ARSG: variants seen among roughly 807,000 people sequenced by gnomAD.
The protein encoded by ARSG is arylsulfatase G.
Under a neutral mutation model 50.5 loss-of-function variants are expected in ARSG, and 37 were observed. The observed-to-expected ratio is 0.73, with a 90% CI of 0.56 to 0.96. The LOEUF (loss-of-function observed/expected upper bound fraction) is 0.96, where lower values mean the gene tolerates loss of function less well. ARSG is among the 50% of genes least tolerant of loss of function. The pLI is 0.00. For missense variants in ARSG, 629 were observed against 675.3 expected, an observed-to-expected ratio of 0.93 and a Z score of 0.76; for synonymous variants, 225 against 254.6, an observed-to-expected ratio of 0.88 and a Z score of 1.11.
chr17:68,402,485 C>T (rs925419829), intron 11 of ARSG, among the ~76,000 whole-genome samples: 5 of 151,584 alleles, frequency 3.3e-5, no homozygotes, highest in African/African-American at 7.3e-5. Flanking sequence ...CCTCGTGATC[C>T]GCCCGCCTTT....
At chr17:68,341,494 C>T (rs918131267) in intron 2 of ARSG, among the ~76,000 whole-genome samples, 1 of 152,198 alleles carries the variant, frequency 6.6e-6, no homozygotes, top group African/African-American at 2.4e-5. Flanking sequence ...TCATAACAGT[C>T]CCATCTTTTA....
upstream of ARSG, among the ~76,000 whole-genome samples, chr17:68,287,390 A>G (rs562133447): frequency 4.7e-5 from 7 of 150,270 alleles, no homozygotes; most frequent in South Asian, 1.3e-3. Context: ...GAACTCCCGG[A>G]CTCAAGCGAT....
intron 2 of ARSG, among the ~76,000 whole-genome samples, chr17:68,340,584 C>T (rs2078225261): frequency 6.6e-6 from 1 of 152,138 alleles, no homozygotes; most frequent in Admixed American, 6.6e-5. Flanking sequence ...CCACGCCAGG[C>T]CTAATTGTTT....
chr17:68,370,655 A>G (rs2079793933), intron 8 of ARSG, 131 bp downstream of exon 8: 1 of 775,380 alleles, frequency 1.3e-6, no homozygotes, highest in Non-Finnish European at 2.1e-6. Flanking sequence ...ACAGGGACAC[A>G]TTTGCTCACC....
At position 68,271,145 on chromosome 17, in the gene ARSG, C is replaced by T. The variant is rs377394392; in HGVS notation, c.-552+11719C>T. ...GCTCCGATCCTTCCGAAAACTTCTG[C>T]AATGGCCATCGTAGATAATAAAAAA... On this transcript the variant is annotated intron_variant, in intron 1 of 11. Coordinates refer to the ARSG transcript ENST00000448504. The surrounding 1 kb of genome is among the most constrained non-coding windows in gnomAD (Gnocchi z 5.3). 70 of 1,614,048 alleles carry T rather than the reference C, an allele frequency of 4.3e-5. No individual in the cohort carries two copies. Among genetic ancestry groups the T allele is most frequent in the Non-Finnish European group, 5.9e-5 (70 of 1,180,052 alleles).
intron 1 of ARSG, chr17:68,274,163 G>A (rs2144996955): frequency 1.5e-6 from 2 of 1,350,784 alleles, no homozygotes; most frequent in Non-Finnish European, 2.0e-6. Context: ...CACATGGAGA[G>A]ATGATGTCGA....
At chr17:68,444,495 G>A in the ARSG span, 1 of 1,612,798 alleles carries the variant, frequency 6.2e-7, no homozygotes, top group South Asian at 1.1e-5. Flanking sequence ...GAGCTCACCT[G>A]TTGGGTTTGC....
At chr17:68,411,130 C>A (rs940414734) in intron 11 of ARSG, among the ~76,000 whole-genome samples, 3 of 152,122 alleles carry the variant, frequency 2.0e-5, no homozygotes, top group Admixed American at 1.3e-4. Flanking sequence ...TCCTTCAGTT[C>A]TGCTCTGATT....
intron 2 of ARSG, among the ~76,000 whole-genome samples, chr17:68,314,830 A>G (rs551820780): frequency 6.6e-6 from 1 of 152,376 alleles, no homozygotes; most frequent in South Asian, 2.1e-4. Flanking sequence ...TCCAAATGGA[A>G]TGTCAGTGTG....
chr17:68,323,252 A>G (rs187174392), intron 2 of ARSG, among the ~76,000 whole-genome samples: 1 of 152,284 alleles, frequency 6.6e-6, no homozygotes, highest in Admixed American at 6.5e-5. Flanking sequence ...ACATATGAGT[A>G]AAATGAAGTT....
At chr17:68,283,670 G>A (rs114292717) in intron 1 of ARSG, among the ~76,000 whole-genome samples, 2,146 of 151,572 alleles carry the variant, frequency 0.014, 48 homozygotes, top group African/African-American at 0.05. Context: ...ACAAACTACA[G>A]AAATGATCCC....
At chr17:68,360,153 T>C (rs1452206523) in intron 6 of ARSG, among the ~76,000 whole-genome samples, 2 of 152,202 alleles carry the variant, frequency 1.3e-5, no homozygotes, top group Non-Finnish European at 1.5e-5. Flanking sequence ...ACCGACAGCC[T>C]CCTTATTATA....
intron 11 of ARSG, among the ~76,000 whole-genome samples, chr17:68,418,210 T>C (rs919115341): frequency 6.6e-6 from 1 of 152,182 alleles, no homozygotes; most frequent in Admixed American, 6.5e-5. Context: ...CCTGAGAGTG[T>C]TGATTTTTGT....
At chr17:68,319,015 T>C (rs372939509) in intron 2 of ARSG, among the ~76,000 whole-genome samples, 5 of 152,324 alleles carry the variant, frequency 3.3e-5, no homozygotes, top group African/African-American at 1.2e-4. Context: ...GATTTGGCAG[T>C]AACCTAATGG....
At chr17:68,323,932 G>A (rs576170605) in intron 2 of ARSG, among the ~76,000 whole-genome samples, 5 of 152,150 alleles carry the variant, frequency 3.3e-5, no homozygotes, top group African/African-American at 9.6e-5. Context: ...AATTAGCCAG[G>A]TGTGGTGGCG....
chr17:68,433,984 T>C, the ARSG span, among the ~76,000 whole-genome samples: 1 of 151,952 alleles, frequency 6.6e-6, no homozygotes, highest in African/African-American at 2.4e-5. Flanking sequence ...TGTTTCACCA[T>C]GTTGGCCAGG....
chr17:68,434,509 G>T, the ARSG span: 1 of 1,604,924 alleles, frequency 6.2e-7, no homozygotes, highest in South Asian at 1.1e-5. Context: ...CGGTCCCTGC[G>T]GGACTTCTGC....
intron 4 of ARSG, 41 bp from the exon 5 acceptor site, chr17:68,351,534 C>A: frequency 8.8e-7 from 1 of 1,138,600 alleles, no homozygotes; most frequent in South Asian, 1.2e-5. Flanking sequence ...CACATGGAGT[C>A]GCAGCCACGT....
At chr17:68,442,489 A>C in the ARSG span, among the ~76,000 whole-genome samples, 1 of 151,552 alleles carries the variant, frequency 6.6e-6, no homozygotes, top group Non-Finnish European at 1.5e-5. Context: ...AAAAAGGAGA[A>C]ACATCTGTTT....
Sources: gnomAD v4.1 joint callset for allele counts (sites outside exome capture counted in the v4.1 genomes callset) on GRCh38, gnomAD v4.1.1 for gene constraint, Gnocchi (gnomAD v3.1) non-coding constraint, MANE v1.5 for transcripts, NCBI Gene and HGNC (gene_info 2026-07-23, HGNC 2026-07-21) for gene names.